PCSK6: variants seen among roughly 807,000 people sequenced by gnomAD.
The protein encoded by PCSK6 is paired basic amino acid cleaving enzyme 4.
A neutral mutation model predicts 123.3 loss-of-function variants in PCSK6; 85 were observed. The observed-to-expected ratio is 0.69, with a 90% confidence interval of 0.58 to 0.83. The LOEUF (loss-of-function observed/expected upper bound fraction) is 0.83. Ranked by LOEUF, PCSK6 falls within the 40% of genes least tolerant of loss-of-function variation. The pLI, the probability that PCSK6 is intolerant of heterozygous loss-of-function variation, is 0.00. For synonymous variants in PCSK6, 508 were observed against 516.0 expected (o/e 0.98, Z 0.21); for missense variants, 1,191 against 1,282.3 (o/e 0.93, Z 1.09).
chr15:101,374,850 G>A (rs573227808), intron 11 of PCSK6, among the ~76,000 whole-genome samples: 1 of 152,176 alleles, frequency 6.6e-6, no homozygotes, highest in African/African-American at 2.4e-5. Context: ...CAGGATGCAC[G>A]CTCTCAACAA....
chr15:101,341,443 G>A (rs182079978), intron 13 of PCSK6, among the ~76,000 whole-genome samples: 95 of 151,930 alleles, frequency 6.3e-4, no homozygotes, highest in African/African-American at 2.2e-3. Context: ...TGTATTTTTA[G>A]TAGAGATGAG....
At chr15:101,356,288 C>G (rs1479708186) in intron 13 of PCSK6, among the ~76,000 whole-genome samples, 1 of 152,082 alleles carries the variant, frequency 6.6e-6, no homozygotes, top group African/African-American at 2.4e-5. Context: ...TGGAAGCTGC[C>G]CCCTCTTCCA....
At chr15:101,381,681 C>T (rs2041913609) in intron 11 of PCSK6, among the ~76,000 whole-genome samples, 2 of 152,220 alleles carry the variant, frequency 1.3e-5, no homozygotes, top group South Asian at 4.1e-4. Flanking sequence ...TTAGGCTGGG[C>T]TGGGGCTACA....
chr15:101,328,372 C>T (rs529832190), intron 15 of PCSK6, among the ~76,000 whole-genome samples: 453 of 152,260 alleles, frequency 3.0e-3, no homozygotes, highest in Non-Finnish European at 4.1e-3. Flanking sequence ...GAATGGGAGA[C>T]GGGCGGGCAG....
chr15:101,391,144 C>T (rs1203295956), intron 8 of PCSK6, among the ~76,000 whole-genome samples: 1 of 152,126 alleles, frequency 6.6e-6, no homozygotes, highest in Admixed American at 6.5e-5. Flanking sequence ...GGCTGGGGTA[C>T]CTCAACATGG....
intron 13 of PCSK6, among the ~76,000 whole-genome samples, chr15:101,361,106 A>T (rs984689291): frequency 6.6e-6 from 1 of 150,778 alleles, no homozygotes; most frequent in Non-Finnish European, 1.5e-5. Flanking sequence ...CCACTTCCTA[A>T]TGTTTTATTT....
chr15:101,481,522 G>C (rs1361997767), intron 1 of PCSK6, among the ~76,000 whole-genome samples: 5 of 152,182 alleles, frequency 3.3e-5, no homozygotes, highest in African/African-American at 1.2e-4. Flanking sequence ...TACAGCCAGG[G>C]CTCGAGGCGG....
chr15:101,485,391 C>T (rs2057996495), intron 1 of PCSK6, among the ~76,000 whole-genome samples: 1 of 151,998 alleles, frequency 6.6e-6, no homozygotes, highest in East Asian at 1.9e-4. Context: ...TGCTTTTTAA[C>T]TCTGTTAGGA....
chr15:101,384,570 T>TTTA (rs1448981831), intron 9 of PCSK6, 145 bp from the exon 10 acceptor site: 1 of 543,654 alleles, frequency 1.8e-6, no homozygotes, highest in African/African-American at 1.9e-5. Context: ...TTGGCAAGGG[T>TTTA]TTATTTCACC....
At chr15:101,339,292 G>T (rs954730904) in intron 13 of PCSK6, among the ~76,000 whole-genome samples, 5 of 152,134 alleles carry the variant, frequency 3.3e-5, no homozygotes, top group African/African-American at 1.2e-4. Context: ...CTTAAAATAT[G>T]CAGGAAGAAA....
intron 15 of PCSK6, among the ~76,000 whole-genome samples, chr15:101,329,227 TA>T (rs1294431521): frequency 9.9e-5 from 15 of 152,126 alleles, no homozygotes; most frequent in Admixed American, 9.8e-4. Flanking sequence ...ATCCAGGATT[TA>T]AAAAAATACA....
chr15:101,362,043 A>G lies in PCSK6; in HGVS notation c.1858+4153T>C, dbSNP rs758343499. On this transcript the variant is annotated intron_variant, in intron 13 of 21. Coordinates refer to ENST00000611716, the MANE Select transcript of PCSK6 (RefSeq NM_002570.5). ...GCAATCTCAGCTCACTGCAAGCTCC[A>G]CCTCCCAGGTTCACACCATTCTCTT... is the stretch of plus-strand genomic sequence containing the variant. Among the ~76,000 whole-genome samples, 19 of 135,832 alleles carry G rather than the reference A, an allele frequency of 1.4e-4. No individual in the cohort carries two copies. The Middle Eastern group carries it at 0.013, about 91-fold the overall frequency. 89.1% of individuals were successfully genotyped at this position (135,832 alleles called of 152,430 possible).
intron 1 of PCSK6, among the ~76,000 whole-genome samples, chr15:101,483,433 A>AGGCT (rs2057940892): frequency 6.6e-6 from 1 of 152,234 alleles, no homozygotes; most frequent in Non-Finnish European, 1.5e-5. Context: ...AGATCATTTA[A>AGGCT]GGCTCTTAGA....
chr15:101,411,621 G>A (rs1473639783), intron 6 of PCSK6, among the ~76,000 whole-genome samples: 2 of 152,138 alleles, frequency 1.3e-5, no homozygotes, highest in Non-Finnish European at 2.9e-5. Flanking sequence ...AACAAGAACA[G>A]AGGGACCCGA....
intron 1 of PCSK6, among the ~76,000 whole-genome samples, chr15:101,479,940 C>T (rs1040929773): frequency 1.3e-5 from 2 of 152,202 alleles, no homozygotes; most frequent in Non-Finnish European, 2.9e-5. Context: ...TTAGACTGTC[C>T]GCCTGTGGCA....
At chr15:101,434,836 C>G (rs1440136458) in intron 2 of PCSK6, among the ~76,000 whole-genome samples, 2 of 152,186 alleles carry the variant, frequency 1.3e-5, no homozygotes, top group African/African-American at 2.4e-5. Flanking sequence ...TCCAGTCACT[C>G]CCTTGCTTCT....
chr15:101,436,224 G>A (rs925695732), intron 2 of PCSK6, among the ~76,000 whole-genome samples: 1 of 152,134 alleles, frequency 6.6e-6, no homozygotes, highest in South Asian at 2.1e-4. Flanking sequence ...AAAAGGAGAG[G>A]GGCTTCAGTC....
At position 101,412,691 on chromosome 15, in the gene PCSK6, T is replaced by TTATATATATATATATATATA. The variant is rs149902723; in HGVS notation, c.824-14135_824-14116dup. Among the ~76,000 whole-genome samples, 79 of 124,698 alleles carry TTATATATATATATATATATA rather than the reference T, an allele frequency of 6.3e-4. 1 individual carries two copies. The highest frequency in any genetic ancestry group is 2.1e-3 in the African/African-American group (61 of 28,926). The allele number at this position is 124,698 out of a possible 152,430, so 81.8% of individuals were successfully genotyped here. On this transcript the variant is annotated intron_variant, in intron 6 of 21. Coordinates refer to ENST00000611716, the MANE Select transcript of PCSK6 (RefSeq NM_002570.5). Reference sequence around the variant, plus strand: ...ACAGAAGAAAGAGTGAACTGGAAAATTATATATATATATATATATATAAAA... The same window carrying TTATATATATATATATATATA: ...ACAGAAGAAAGAGTGAACTGGAAAATTATATATATATATATATATATATATATATATATATATATATAAAA...
chr15:101,444,091 A>T (rs1177357844), intron 1 of PCSK6, among the ~76,000 whole-genome samples: 1 of 152,204 alleles, frequency 6.6e-6, no homozygotes, highest in Non-Finnish European at 1.5e-5. Flanking sequence ...GGTAAACTGA[A>T]ATATCGAAGA....
Sources: gnomAD v4.1 joint callset for allele counts (sites outside exome capture counted in the v4.1 genomes callset) on GRCh38, gnomAD v4.1.1 for gene constraint, MANE v1.5 for transcripts, NCBI Gene and HGNC (gene_info 2026-07-23, HGNC 2026-07-21) for gene names.